The following AOX1 variants were observed in gnomAD, a reference collection of about 807,000 sequenced individuals.
The protein encoded by AOX1 is aldehyde oxidase.
AOX1 carries 153 observed loss-of-function variants against 169.5 expected under a neutral mutation model. The observed-to-expected ratio is 0.90, with a 90% CI of 0.79 to 1.03. The LOEUF is 1.03. AOX1 is among the 50% of genes least tolerant of loss of function. The pLI is 0.00. For synonymous variants in AOX1, 562 were observed against 581.9 expected (o/e 0.97, Z 0.49); for missense variants, 1,656 against 1,663.9 (o/e 1.00, Z 0.08).
At chr2:200,661,466 G>T (rs2035827529) in intron 29 of AOX1, 113 bp from the exon 30 acceptor site, 1 of 826,960 alleles carries the variant, frequency 1.2e-6, no homozygotes. Context: ...GTCCTTCCTG[G>T]TTACTATTGC....
At chr2:200,650,020 A>C (rs1456924800) in intron 25 of AOX1, among the ~76,000 whole-genome samples, 1 of 152,174 alleles carries the variant, frequency 6.6e-6, no homozygotes, top group Non-Finnish European at 1.5e-5. Context: ...ATGCCCCAGC[A>C]GTCTTTAGAA....
intron 22 of AOX1, 81 bp from the exon 23 acceptor site, chr2:200,638,134 C>G (rs747281891): frequency 7.8e-7 from 1 of 1,282,220 alleles, no homozygotes; most frequent in Non-Finnish European, 1.1e-6. Flanking sequence ...TCCACTCAGG[C>G]TCTTGCCAGG....
chr2:200,636,117 C>CTTT (rs765127387), intron 21 of AOX1, among the ~76,000 whole-genome samples: 914 of 53,966 alleles, frequency 0.017, 269 homozygotes, highest in African/African-American at 0.046. Flanking sequence ...GTGAGAAGTG[C>CTTT]TTTTTTTTTT....
At chr2:200,616,320 G>C (rs1309707405) in intron 16 of AOX1, among the ~76,000 whole-genome samples, 1 of 152,258 alleles carries the variant, frequency 6.6e-6, no homozygotes, top group African/African-American at 2.4e-5. Context: ...CTGTGGCCTT[G>C]TACCACAGAC....
At chr2:200,605,980 T>G (rs1229543594) in intron 10 of AOX1, among the ~76,000 whole-genome samples, 1 of 152,224 alleles carries the variant, frequency 6.6e-6, no homozygotes, top group East Asian at 1.9e-4. Context: ...CATAAACTCT[T>G]TAGTTTAATT....
At position 200,656,792 on chromosome 2, in the gene AOX1, G is replaced by A. The variant is rs145224374; in HGVS notation, c.3076-50G>A. On this transcript the variant is annotated intron_variant, in intron 26 of 34. Coordinates refer to ENST00000374700, the MANE Select transcript of AOX1 (RefSeq NM_001159.4). ...GAAAATGTTTTAATTGACACGATAT[G>A]TGATAATATCAAAAAGATCACAGAA... is the stretch of plus-strand genomic sequence containing the variant. The A allele has an allele frequency of 6.0e-4, 769 of 1,288,276 alleles. 5 individuals carry two copies. In the African/African-American group the frequency reaches 0.011, roughly 18 times the overall value. 79.8% of individuals were successfully genotyped at this position (1,288,276 alleles called of 1,614,324 possible).
At chr2:200,623,620 G>T (rs1160073477) in intron 18 of AOX1, among the ~76,000 whole-genome samples, 1 of 152,258 alleles carries the variant, frequency 6.6e-6, no homozygotes, top group Non-Finnish European at 1.5e-5. Flanking sequence ...TGAGCCTGCT[G>T]TCCTCAAGAC....
At chr2:200,665,162 A>C (rs1017172222) in intron 31 of AOX1, among the ~76,000 whole-genome samples, 2 of 152,236 alleles carry the variant, frequency 1.3e-5, no homozygotes, top group Non-Finnish European at 2.9e-5. Flanking sequence ...CCAAGAGAAA[A>C]AGAGAGAGCA....
intron 16 of AOX1, among the ~76,000 whole-genome samples, chr2:200,616,882 A>T (rs1308036636): frequency 6.6e-6 from 1 of 152,204 alleles, no homozygotes; most frequent in Non-Finnish European, 1.5e-5. Flanking sequence ...TGTCGTAATG[A>T]ACATTGACGT....
chr2:200,630,210 T>TAAAAAAAA (rs57410809), intron 20 of AOX1, among the ~76,000 whole-genome samples: 5 of 95,566 alleles, frequency 5.2e-5, no homozygotes, highest in African/African-American at 2.3e-4. Context: ...TCCTTCTATT[T>TAAAAAAAA]AAAAAAAAAA....
At chr2:200,603,448 A>G (rs2034454305) in intron 7 of AOX1, 92 bp downstream of exon 7, 1 of 973,482 alleles carries the variant, frequency 1.0e-6, no homozygotes, top group African/African-American at 1.6e-5. Flanking sequence ...ACCCAAGTTG[A>G]CTAACTTGAG....
chr2:200,611,585 G>A, intron 13 of AOX1, 92 bp downstream of exon 13: 2 of 838,436 alleles, frequency 2.4e-6, no homozygotes, highest in Non-Finnish European at 4.0e-6. Flanking sequence ...AAAGGGTGAA[G>A]TGTTTATGTG....
At chr2:200,654,576 G>T (rs2035646149) in intron 26 of AOX1, among the ~76,000 whole-genome samples, 1 of 152,166 alleles carries the variant, frequency 6.6e-6, no homozygotes, top group South Asian at 2.1e-4. Flanking sequence ...AACACTGAAT[G>T]GCACAGACAG....
intron 21 of AOX1, among the ~76,000 whole-genome samples, chr2:200,635,945 C>T (rs951648223): frequency 3.9e-5 from 6 of 151,932 alleles, no homozygotes; most frequent in African/African-American, 1.2e-4. Context: ...CTTCACTCTC[C>T]GTGGGATGTT....
chr2:200,663,836 C>T lies in AOX1; in HGVS notation c.3543+867C>T, dbSNP rs571443435. ...TCTAGTTCTTGATATTTACAAATAT[C>T]CTCTATGCCTGTGTTCTTGGATTGT... On this transcript the variant is annotated intron_variant, in intron 31 of 34. Transcript: ENST00000374700. 3.3e-5 allele frequency among the ~76,000 whole-genome samples: 5 copies of T among 152,284 alleles called. 1 individual carries two copies. In the South Asian group the frequency reaches 1.0e-3, roughly 32 times the overall value.
chr2:200,600,892 T>C (rs2034400195), intron 5 of AOX1, among the ~76,000 whole-genome samples: 1 of 152,084 alleles, frequency 6.6e-6, no homozygotes, highest in Non-Finnish European at 1.5e-5. Context: ...AGTAATATTG[T>C]TTTTTAAATA....
intron 28 of AOX1, 127 bp downstream of exon 28, chr2:200,659,420 A>G (rs1056834963): frequency 5.4e-5 from 56 of 1,032,932 alleles, no homozygotes; most frequent in Non-Finnish European, 7.0e-5. Context: ...GCCCTCAGTC[A>G]GTGGTACAGC....
chr2:200,596,075 T>G (rs1250003865), intron 3 of AOX1, among the ~76,000 whole-genome samples: 4 of 152,234 alleles, frequency 2.6e-5, no homozygotes, highest in Non-Finnish European at 4.4e-5. Flanking sequence ...CCACACACTC[T>G]TCCCTCTGTT....
chr2:200,638,228 G>T lies in AOX1; in HGVS notation c.2494G>T (p.Val832Phe), dbSNP rs780400714. ...AFAANKHGRAVRCVLERGEDM... is the reference protein window; with the variant it reads ...AFAANKHGRAFRCVLERGEDM... ...TTTCTGTTTTAGACATGGCCGTGCA[G>T]TTCGCTGTGTTCTGGAACGAGGAGA... is the stretch of plus-strand genomic sequence containing the variant. The change falls in exon 23 of 35, where the codon GTT (valine) becomes TTT (phenylalanine). Residue 832 changes from valine to phenylalanine, a missense_variant. Physicochemically the swap from Val to Phe is conservative, Grantham distance 50. Transcript: ENST00000374700. 6.2e-7 allele frequency: 1 copy of T among 1,613,596 alleles called. No individual in the cohort carries two copies. Among genetic ancestry groups the T allele is most frequent in the Non-Finnish European group, 8.5e-7 (1 of 1,179,602 alleles).
Sources: allele counts gnomAD v4.1 joint callset (sites outside exome capture counted in the v4.1 genomes callset), GRCh38; gene constraint gnomAD v4.1.1; transcripts MANE v1.5; gene names NCBI Gene and HGNC (gene_info 2026-07-23, HGNC 2026-07-21).